KCNH7: variants seen among roughly 807,000 people sequenced by gnomAD.
The protein encoded by KCNH7 is potassium voltage-gated channel subfamily H member 7.
In KCNH7, 49 loss-of-function variants were observed where a neutral mutation model predicts 120.8. The observed-to-expected ratio is 0.41, with a 90% CI of 0.32 to 0.51. The LOEUF (loss-of-function observed/expected upper bound fraction) is 0.51, where lower values mean the gene tolerates loss of function less well. Among genes scored for constraint, KCNH7 ranks in the 20% least tolerant of loss-of-function variants. The probability of loss-of-function intolerance (pLI) is 0.38; values close to 1 mark genes in which losing one functional copy is unlikely to be tolerated. For synonymous variants in KCNH7, 547 were observed against 516.1 expected (o/e 1.06, Z -0.81); for missense variants, 1,097 against 1,446.6 (o/e 0.76, Z 3.92).
intron 2 of KCNH7, among the ~76,000 whole-genome samples, chr2:162,663,248 T>C (rs746938718): frequency 6.6e-6 from 1 of 152,332 alleles, no homozygotes; most frequent in South Asian, 2.1e-4. Flanking sequence ...TGAATATGCA[T>C]TTTAAGACAC....
intron 2 of KCNH7, among the ~76,000 whole-genome samples, chr2:162,698,235 A>C (rs1170790828): frequency 6.6e-6 from 1 of 152,132 alleles, no homozygotes; most frequent in African/African-American, 2.4e-5. Context: ...TCAATGAGAA[A>C]GTGTTTTATC....
intron 9 of KCNH7, among the ~76,000 whole-genome samples, chr2:162,400,956 G>A (rs907240487): frequency 2.0e-5 from 3 of 151,856 alleles, no homozygotes; most frequent in Admixed American, 6.6e-5. Context: ...TGTGCTATTA[G>A]TTTACAGTAT....
At chr2:162,619,359 G>C (rs1298878013) in intron 2 of KCNH7, among the ~76,000 whole-genome samples, 1 of 151,740 alleles carries the variant, frequency 6.6e-6, no homozygotes, top group Non-Finnish European at 1.5e-5. Context: ...AAGACCTAGG[G>C]TAATACTGAA....
At chr2:162,554,002 A>C (rs1042212123) in intron 2 of KCNH7, among the ~76,000 whole-genome samples, 1 of 152,192 alleles carries the variant, frequency 6.6e-6, no homozygotes, top group Admixed American at 6.5e-5. Flanking sequence ...TTCTTCTTTC[A>C]CTTTTCTGAC....
intron 6 of KCNH7, among the ~76,000 whole-genome samples, chr2:162,468,447 CT>C (rs1487612614): frequency 6.8e-6 from 1 of 147,934 alleles, no homozygotes; most frequent in Non-Finnish European, 1.5e-5. Context: ...AACAAAATAT[CT>C]TGGCAGAAGA....
At chr2:162,415,055 G>C (rs750239075) in intron 9 of KCNH7, among the ~76,000 whole-genome samples, 5 of 151,732 alleles carry the variant, frequency 3.3e-5, no homozygotes, top group Non-Finnish European at 7.4e-5. Flanking sequence ...ACAATGTATA[G>C]CTAATCACTA....
intron 2 of KCNH7, among the ~76,000 whole-genome samples, chr2:162,735,021 C>T (rs1005082670): frequency 6.6e-6 from 1 of 152,160 alleles, no homozygotes; most frequent in Non-Finnish European, 1.5e-5. Flanking sequence ...CTGTCTCTTC[C>T]TCCCTGGGAC....
chr2:162,421,138 AG>A (rs1363743581), intron 9 of KCNH7, among the ~76,000 whole-genome samples: 1 of 152,146 alleles, frequency 6.6e-6, no homozygotes, highest in East Asian at 1.9e-4. Flanking sequence ...GTCCGTGCAA[AG>A]TCAAGCTCTC....
intron 2 of KCNH7, among the ~76,000 whole-genome samples, chr2:162,582,512 G>A (rs4664054): frequency 0.62 from 94,708 of 151,894 alleles, 30,848 homozygotes; most frequent in African/African-American, 0.8. Context: ...GGACAAGGCC[G>A]GGAACATACA....
At chr2:162,473,356 C>T (rs1689629989) in intron 6 of KCNH7, among the ~76,000 whole-genome samples, 1 of 151,970 alleles carries the variant, frequency 6.6e-6, no homozygotes, top group South Asian at 2.1e-4. Flanking sequence ...TTCAAAAGCC[C>T]AAATAACAGA....
intron 2 of KCNH7, among the ~76,000 whole-genome samples, chr2:162,811,739 T>C (rs1378752870): frequency 1.3e-5 from 2 of 152,080 alleles, no homozygotes; most frequent in African/African-American, 4.8e-5. Context: ...TTTGGAGGAA[T>C]TGGGTATTTT....
In KCNH7 at chr2:162,837,141, C is replaced by G. The variant is rs140431717; in HGVS notation, c.77-374G>C. Among the ~76,000 whole-genome samples the G allele has an allele frequency of 7.2e-3, 1,094 of 152,262 alleles. 2 individuals are homozygous for G. Among genetic ancestry groups the G allele is most frequent in the Non-Finnish European group, 0.011 (773 of 68,016 alleles). ...TAATGTAAATATTTTCAAAGTCAAA[C>G]AGTGAAACATTCTGTAGTTGTCAGA... is the stretch of plus-strand genomic sequence containing the variant. On this transcript the variant is annotated intron_variant, in intron 1 of 15. Coordinates refer to ENST00000332142, the MANE Select transcript of KCNH7 (RefSeq NM_033272.4).
chr2:162,436,029 G>A (rs1279874108), intron 7 of KCNH7, among the ~76,000 whole-genome samples: 2 of 152,060 alleles, frequency 1.3e-5, no homozygotes, highest in Admixed American at 1.3e-4. Flanking sequence ...ATCTAATGAA[G>A]AGAAAACAAG....
chr2:162,619,814 A>G (rs980255210), intron 2 of KCNH7, among the ~76,000 whole-genome samples: 9 of 152,086 alleles, frequency 5.9e-5, no homozygotes, highest in Non-Finnish European at 1.0e-4. Flanking sequence ...AAAGCTTGAC[A>G]ATCTAATTTA....
intron 2 of KCNH7, among the ~76,000 whole-genome samples, chr2:162,728,356 G>GT (rs1412920028): frequency 6.6e-6 from 1 of 151,916 alleles, no homozygotes; most frequent in Non-Finnish European, 1.5e-5. Context: ...TTTGAGTGGT[G>GT]TTTTTTATAT....
At chr2:162,747,807 A>G (rs1035529177) in intron 2 of KCNH7, among the ~76,000 whole-genome samples, 4 of 152,196 alleles carry the variant, frequency 2.6e-5, no homozygotes, top group African/African-American at 9.6e-5. Context: ...TTTTTAAAGG[A>G]AAAATGTTTT....
intron 6 of KCNH7, among the ~76,000 whole-genome samples, chr2:162,495,197 G>A (rs1181017330): frequency 1.3e-5 from 2 of 152,156 alleles, no homozygotes; most frequent in African/African-American, 2.4e-5. Context: ...GGCTTTGACT[G>A]GAAGGATGTG....
chr2:162,578,270 C>G (rs1693753765), intron 2 of KCNH7, among the ~76,000 whole-genome samples: 1 of 151,998 alleles, frequency 6.6e-6, no homozygotes, highest in Non-Finnish European at 1.5e-5. Flanking sequence ...AAATTCATAT[C>G]TATTGAACCA....
At chr2:162,597,299 C>T (rs1490493987) in intron 2 of KCNH7, among the ~76,000 whole-genome samples, 1 of 151,960 alleles carries the variant, frequency 6.6e-6, no homozygotes, top group Non-Finnish European at 1.5e-5. Context: ...AACCTAAATG[C>T]TCGATGATCA....
Sources: allele counts gnomAD v4.1 joint callset (sites outside exome capture counted in the v4.1 genomes callset), GRCh38; gene constraint gnomAD v4.1.1; transcripts MANE v1.5; gene names NCBI Gene and HGNC (gene_info 2026-07-23, HGNC 2026-07-21).